The following RPTOR variants were observed in gnomAD, a reference collection of about 807,000 sequenced individuals.
RPTOR encodes regulatory associated protein of MTOR complex 1, also known as regulatory-associated protein of mTOR.
In RPTOR, 21 loss-of-function variants were observed where a neutral mutation model predicts 169.9. That is an observed-to-expected ratio of 0.12 (90% CI 0.09 to 0.18). RPTOR has a LOEUF of 0.18. Among genes scored for constraint, RPTOR ranks in the 10% least tolerant of loss-of-function variants. The pLI is 1.00. For missense variants in RPTOR, 1,133 were observed against 1,855.9 expected (o/e 0.61, Z 7.16); for synonymous variants, 732 against 753.2 (o/e 0.97, Z 0.46).
chr17:80,796,661 C>T (rs2067104607), intron 7 of RPTOR, among the ~76,000 whole-genome samples: 2 of 152,198 alleles, frequency 1.3e-5, no homozygotes, highest in South Asian at 4.1e-4. Flanking sequence ...ATATCACAGT[C>T]GCTGTAGCCA....
chr17:80,624,877 A>T (rs1021652713), intron 1 of RPTOR, among the ~76,000 whole-genome samples: 2 of 152,194 alleles, frequency 1.3e-5, no homozygotes, highest in African/African-American at 2.4e-5. Flanking sequence ...ACTGAGGAGC[A>T]TCCATGGGCC....
In RPTOR at chr17:80,788,606, T is replaced by TCTA. The variant is rs2067017132; in HGVS notation, c.831-2842_831-2841insACT. On this transcript the variant is annotated intron_variant, in intron 6 of 33. Coordinates refer to ENST00000306801, the MANE Select transcript of RPTOR (RefSeq NM_020761.3). Reference sequence around the variant, plus strand: ...CTTTGAATGTGATCTACTCTTTGTTTCTGGAAGCTTTGTATGTATTTTCAT... The same window carrying TCTA: ...CTTTGAATGTGATCTACTCTTTGTTTCTACTGGAAGCTTTGTATGTATTTTCAT... Among the ~76,000 whole-genome samples, 5 of 152,238 alleles carry TCTA rather than the reference T, an allele frequency of 3.3e-5. No individual in the cohort carries two copies. In the South Asian group the frequency reaches 1.0e-3, roughly 31 times the overall value.
At chr17:80,920,182 C>A (rs1314462068) in intron 21 of RPTOR, among the ~76,000 whole-genome samples, 1 of 152,240 alleles carries the variant, frequency 6.6e-6, no homozygotes, top group Admixed American at 6.5e-5. Context: ...CCTGTCCTCA[C>A]ACCGACACCG....
chr17:80,639,809 C>T (rs996694028), intron 2 of RPTOR, among the ~76,000 whole-genome samples: 21 of 152,134 alleles, frequency 1.4e-4, no homozygotes, highest in Non-Finnish European at 2.9e-4. Flanking sequence ...AGTGCCAGCT[C>T]TTTGGAAGGT....
At chr17:80,791,571 A>G in intron 7 of RPTOR, 62 bp downstream of exon 7, 1 of 1,460,204 alleles carries the variant, frequency 6.8e-7, no homozygotes, top group Non-Finnish European at 9.5e-7. Context: ...TTCCTTTTTG[A>G]AGGCTCTTGC....
chr17:80,651,146 C>T lies in RPTOR; in HGVS notation c.348+7336C>T, dbSNP rs570939485. Among the ~76,000 whole-genome samples the T allele has an allele frequency of 1.6e-4, 24 of 152,204 alleles. No homozygotes were observed. The South Asian group carries it at 2.3e-3, about 14-fold the overall frequency. On this transcript the variant is annotated intron_variant, in intron 3 of 33. Coordinates refer to ENST00000306801, the MANE Select transcript of RPTOR (RefSeq NM_020761.3). The surrounding 1 kb of genome is among the most constrained non-coding windows in gnomAD (Gnocchi z 4.1). Reference sequence around the variant, plus strand: ...TTGGGGACCGTGATACAGAGCGATGCGGAGATGGCTCTGAAGGACAGGCAG... The same window carrying T: ...TTGGGGACCGTGATACAGAGCGATGTGGAGATGGCTCTGAAGGACAGGCAG...
intron 6 of RPTOR, chr17:80,774,023 G>A (rs1311300033): frequency 3.0e-6 from 3 of 985,340 alleles, no homozygotes; most frequent in Non-Finnish European, 3.6e-6. Context: ...AGGCTTTAAT[G>A]TAAACCATCA....
intron 3 of RPTOR, among the ~76,000 whole-genome samples, chr17:80,694,906 T>C (rs1272578691): frequency 6.6e-6 from 1 of 152,108 alleles, no homozygotes; most frequent in Non-Finnish European, 1.5e-5. Flanking sequence ...TGCCAGAGAC[T>C]CAGCACCACG....
intron 7 of RPTOR, among the ~76,000 whole-genome samples, chr17:80,814,721 A>G (rs1191905751): frequency 6.6e-6 from 1 of 152,184 alleles, no homozygotes; most frequent in Non-Finnish European, 1.5e-5. Flanking sequence ...CTTTCACGCT[A>G]AGCATCGTAA....
rs1209396924 is a variant in RPTOR at position 80,844,842 on chromosome 17, G to C, written c.1213-1631G>C. Among the ~76,000 whole-genome samples the C allele has an allele frequency of 6.6e-6, 1 of 152,230 alleles. No individual in the cohort carries two copies. Among genetic ancestry groups the C allele is most frequent in the African/African-American group, 2.4e-5 (1 of 41,464 alleles). On this transcript the variant is annotated intron_variant, in intron 10 of 33. Coordinates refer to ENST00000306801, the MANE Select transcript of RPTOR (RefSeq NM_020761.3). This position sits in a 1 kb window ranked among gnomAD's most constrained non-coding sequence, Gnocchi z 4.7. ...GGGGCACAGCCGACCCCGGCCAGAT[G>C]AGCGGAGGGAGGGTTCCTCCCGACC...
chr17:80,640,805 C>T (rs1282500390), intron 2 of RPTOR, among the ~76,000 whole-genome samples: 2 of 148,136 alleles, frequency 1.4e-5, no homozygotes, highest in East Asian at 4.0e-4. Flanking sequence ...AACTCCCTCC[C>T]TTCTTCCTCT....
chr17:80,771,546 G>T (rs2066843203), intron 6 of RPTOR, among the ~76,000 whole-genome samples: 1 of 152,062 alleles, frequency 6.6e-6, no homozygotes. Flanking sequence ...TTGTAATCAG[G>T]TCTCCTCAAC....
chr17:80,695,082 C>T lies in RPTOR; in HGVS notation c.349-12759C>T, dbSNP rs1046308689. Among the ~76,000 whole-genome samples the T allele has an allele frequency of 2.0e-5, 3 of 152,130 alleles. No homozygotes were observed. Among genetic ancestry groups the T allele is most frequent in the Non-Finnish European group, 4.4e-5 (3 of 68,032 alleles). On this transcript the variant is annotated intron_variant, in intron 3 of 33. Coordinates refer to ENST00000306801, the MANE Select transcript of RPTOR (RefSeq NM_020761.3). This position sits in a 1 kb window ranked among gnomAD's most constrained non-coding sequence, Gnocchi z 4.9. ...CTGTGCGGGGCTGGCTGTGTGGCCC[C>T]GTGAGGGTTACTGAACCTCTCTGTG... is the stretch of plus-strand genomic sequence containing the variant.
chr17:80,782,646 C>T lies in RPTOR; in HGVS notation c.831-8804C>T, dbSNP rs568363918. Among the ~76,000 whole-genome samples, 120 of 152,226 alleles carry T rather than the reference C, an allele frequency of 7.9e-4. 1 individual carries two copies. Among genetic ancestry groups the T allele is most frequent in the African/African-American group, 2.1e-3 (88 of 41,530 alleles). On this transcript the variant is annotated intron_variant, in intron 6 of 33. Transcript: ENST00000306801. ...TTCCTCAGCACCGCAGTCGTGGAAG[C>T]CCTGTACTGAATTAGAACCGAGCAG...
intron 25 of RPTOR, among the ~76,000 whole-genome samples, chr17:80,944,056 A>G (rs945675758): frequency 2.0e-5 from 3 of 152,228 alleles, no homozygotes; most frequent in Admixed American, 6.5e-5. Context: ...GTTGGAATCC[A>G]TCTTGCGCCC....
chr17:80,857,620 T>C (rs1293958782), intron 12 of RPTOR, among the ~76,000 whole-genome samples, 170 bp from the exon 13 acceptor site: 1 of 152,210 alleles, frequency 6.6e-6, no homozygotes, highest in East Asian at 1.9e-4. Context: ...AAATCAGAGA[T>C]GAATAAATCT....
chr17:80,962,805 C>A, intron 32 of RPTOR, 123 bp from the exon 33 acceptor site: 1 of 1,507,704 alleles, frequency 6.6e-7, no homozygotes, highest in Middle Eastern at 1.9e-4. Flanking sequence ...GAGGGTCACA[C>A]CTGCCCCGAG....
At chr17:80,740,856 C>G (rs1011540320) in intron 5 of RPTOR, among the ~76,000 whole-genome samples, 6 of 152,174 alleles carry the variant, frequency 3.9e-5, no homozygotes, top group Non-Finnish European at 8.8e-5. Flanking sequence ...AGATTGGAAG[C>G]AAGGCAAGGA....
At position 80,600,792 on chromosome 17, in the gene RPTOR, G is replaced by T. The variant is rs531304279; in HGVS notation, c.163-24899G>T. Among the ~76,000 whole-genome samples the T allele has an allele frequency of 5.3e-5, 8 of 152,294 alleles. No homozygotes were observed. The South Asian group carries it at 1.7e-3, about 32-fold the overall frequency. On this transcript the variant is annotated intron_variant, in intron 1 of 33. Transcript: ENST00000306801. ...TTTTGCATGTGGGAGGATGTGACGT[G>T]TGGTGGCCAGAGGATGGACAGTGGC...
Sources: allele counts gnomAD v4.1 joint callset (sites outside exome capture counted in the v4.1 genomes callset), GRCh38; gene constraint gnomAD v4.1.1; non-coding constraint Gnocchi (gnomAD v3.1); transcripts MANE v1.5; gene names NCBI Gene and HGNC (gene_info 2026-07-23, HGNC 2026-07-21).